Variants in AAMDC observed in about 807,000 individuals in gnomAD.
The protein encoded by AAMDC is mth938 domain-containing protein.
In AAMDC, 16 loss-of-function variants were observed where a neutral mutation model predicts 15.5. The ratio of observed to expected loss-of-function variants is 1.03; its 90% CI spans 0.70 to 1.57. The LOEUF is 1.57. Among genes scored for constraint, AAMDC ranks in the 40% most tolerant of loss-of-function variants. The pLI is 0.00. For synonymous variants in AAMDC, 51 were observed against 51.6 expected (o/e 0.99, Z 0.05); for missense variants, 141 against 144.9 (o/e 0.97, Z 0.14).
At chr11:77,870,005 CTGAGA>C in intron 3 of AAMDC, 188 bp downstream of exon 3, 1 of 453,704 alleles carries the variant, frequency 2.2e-6, no homozygotes, top group Non-Finnish European at 4.0e-6. Flanking sequence ...CTACCTAACC[CTGAGA>C]CAGTGTCATT....
At chr11:77,874,415 G>C (rs1951543501), downstream of AAMDC, among the ~76,000 whole-genome samples, 1 of 149,910 alleles carries the variant, frequency 6.7e-6, no homozygotes, top group African/African-American at 2.5e-5. Flanking sequence ...AGACAGCTCT[G>C]GTGGGTGTTG....
intron 5 of AAMDC, chr11:77,883,972 A>G: frequency 6.2e-7 from 1 of 1,609,464 alleles, no homozygotes; most frequent in Non-Finnish European, 8.5e-7. Context: ...GACAGAAATG[A>G]GAAAAAGGCA....
chr11:77,834,441 G>GTT (rs11438814), intron 1 of AAMDC, among the ~76,000 whole-genome samples: 2,008 of 105,496 alleles, frequency 0.019, 69 homozygotes, highest in Non-Finnish European at 0.027. Context: ...AGTTGATTTT[G>GTT]TTTTTTTTTT....
chr11:77,821,662 G>C (rs66622455), intron 1 of AAMDC, among the ~76,000 whole-genome samples: 26,799 of 151,738 alleles, frequency 0.18, 2,958 homozygotes, highest in African/African-American at 0.29. Flanking sequence ...ATTGAGAGGC[G>C]GAACATGACA....
chr11:77,867,928 T>G (rs147525587), intron 2 of AAMDC, among the ~76,000 whole-genome samples: 2 of 152,330 alleles, frequency 1.3e-5, no homozygotes, highest in Admixed American at 6.5e-5. Context: ...TAGAGATTGT[T>G]ATGAAATTTT....
chr11:77,869,818 G>A lies in AAMDC; in HGVS notation c.228+1G>A, dbSNP rs754713270. ...CCGAGGGATGAGTGAGGCCTTGAAG[G>A]TAGGTGTTGGTATGCACAGCATTCC... On this transcript the variant is annotated splice_donor_variant, in intron 3 of 3. Transcript: ENST00000393427. LOFTEE classifies it high-confidence loss of function. 2 of 1,613,264 alleles carry A rather than the reference G, an allele frequency of 1.2e-6. No homozygotes were observed. The highest frequency in any genetic ancestry group is 1.7e-6 in the Non-Finnish European group (2 of 1,179,370).
chr11:77,834,441 G>GTTTTTTTTTTT (rs11438814), intron 1 of AAMDC, among the ~76,000 whole-genome samples: 6 of 105,526 alleles, frequency 5.7e-5, no homozygotes, highest in Non-Finnish European at 9.3e-5. Context: ...AGTTGATTTT[G>GTTTTTTTTTTT]TTTTTTTTTT....
At chr11:77,878,560 A>G in intron 5 of AAMDC, 1 of 513,580 alleles carries the variant, frequency 1.9e-6, no homozygotes, top group South Asian at 3.4e-5. Context: ...TGACAAACAC[A>G]CCGTCACTTT....
chr11:77,889,093 A>G (rs554012979), intron 5 of AAMDC, among the ~76,000 whole-genome samples: 3 of 152,322 alleles, frequency 2.0e-5, no homozygotes, highest in Admixed American at 6.5e-5. Context: ...CCAAAGGATT[A>G]TAAATCATGC....
At chr11:77,882,144 G>A (rs1253681670) in intron 5 of AAMDC, among the ~76,000 whole-genome samples, 2 of 152,064 alleles carry the variant, frequency 1.3e-5, no homozygotes, top group African/African-American at 2.4e-5. Context: ...TCAGACTCTT[G>A]GGCTCAATCG....
At chr11:77,857,465 C>T (rs1471747422) in intron 2 of AAMDC, among the ~76,000 whole-genome samples, 1 of 152,146 alleles carries the variant, frequency 6.6e-6, no homozygotes, top group Non-Finnish European at 1.5e-5. Context: ...GGAATATCTA[C>T]AAATATTTAT....
intron 1 of AAMDC, chr11:77,841,228 C>G: frequency 1.4e-6 from 1 of 702,362 alleles, no homozygotes; most frequent in Non-Finnish European, 2.6e-6. Context: ...CTTAAAGGTC[C>G]CACCTCTTAA....
intron 5 of AAMDC, among the ~76,000 whole-genome samples, chr11:77,889,589 G>A (rs1046041638): frequency 3.3e-5 from 5 of 152,118 alleles, no homozygotes; most frequent in African/African-American, 4.8e-5. Context: ...GAGTTCTGCA[G>A]GGTTTGCTTT....
intron 1 of AAMDC, among the ~76,000 whole-genome samples, chr11:77,834,033 T>C (rs1949568694): frequency 6.6e-6 from 1 of 152,250 alleles, no homozygotes; most frequent in African/African-American, 2.4e-5. Flanking sequence ...TACCACCATA[T>C]ATTAAGTAAA....
At position 77,842,464 on chromosome 11, in the gene AAMDC, T is replaced by G. The variant is rs1949971219; in HGVS notation, c.-18-15T>G. ...ACTTTATAACTGATTTAGTATATTTTTCTTTTAATTTCAGACTTCAGTGAA... is the reference window on the plus strand; with the variant it reads ...ACTTTATAACTGATTTAGTATATTTGTCTTTTAATTTCAGACTTCAGTGAA... On this transcript the variant is annotated splice_polypyrimidine_tract_variant and intron_variant, in intron 1 of 3. Coordinates refer to ENST00000393427, the MANE Select transcript of AAMDC (RefSeq NM_024684.4). 2.5e-6 allele frequency: 4 copies of G among 1,607,674 alleles called. No homozygotes were observed. Among genetic ancestry groups the G allele is most frequent in the Non-Finnish European group, 3.4e-6 (4 of 1,177,998 alleles).
chr11:77,852,053 T>C (rs1327112519), intron 2 of AAMDC, among the ~76,000 whole-genome samples: 2 of 151,864 alleles, frequency 1.3e-5, no homozygotes, highest in African/African-American at 4.8e-5. Flanking sequence ...CTTCTCATAA[T>C]TATTTTTACT....
intron 3 of AAMDC, 69 bp from the exon 4 acceptor site, chr11:77,872,106 C>T (rs1951457085): frequency 1.3e-6 from 2 of 1,517,932 alleles, no homozygotes; most frequent in African/African-American, 1.4e-5. Context: ...GTACACCTGC[C>T]TCATGGCAGT....
chr11:77,859,838 C>T (rs969587920), intron 2 of AAMDC, among the ~76,000 whole-genome samples: 8 of 152,166 alleles, frequency 5.3e-5, no homozygotes, highest in Non-Finnish European at 1.2e-4. Flanking sequence ...AGTGCACAGT[C>T]GCAGCACTGG....
intron 2 of AAMDC, among the ~76,000 whole-genome samples, chr11:77,860,769 GA>G (rs1950844397): frequency 6.6e-6 from 1 of 152,160 alleles, no homozygotes; most frequent in African/African-American, 2.4e-5. Flanking sequence ...CAGGGATGCA[GA>G]AAAAGGCATC....
Sources: gnomAD v4.1 joint callset for allele counts (sites outside exome capture counted in the v4.1 genomes callset) on GRCh38, gnomAD v4.1.1 for gene constraint, MANE v1.5 for transcripts, NCBI Gene and HGNC (gene_info 2026-07-23, HGNC 2026-07-21) for gene names.